The following TRAF3IP3 variants were observed in gnomAD, a reference collection of about 807,000 sequenced individuals.
TRAF3IP3 encodes TRAF3-interacting JNK-activating modulator.
A neutral mutation model predicts 86.5 loss-of-function variants in TRAF3IP3; 64 were observed. That is an observed-to-expected ratio of 0.74 (90% CI 0.60 to 0.91). TRAF3IP3 has a LOEUF of 0.91. TRAF3IP3 is among the 40% of genes least tolerant of loss of function. TRAF3IP3 has a pLI of 0.00. For synonymous variants in TRAF3IP3, 220 were observed against 243.9 expected, an observed-to-expected ratio of 0.90 and a Z score of 0.91; for missense variants, 579 against 642.9, an observed-to-expected ratio of 0.90 and a Z score of 1.07.
At chr1:209,768,118 G>C (rs1293865752) in intron 8 of TRAF3IP3, 8 of 984,804 alleles carry the variant, frequency 8.1e-6, no homozygotes, top group Admixed American at 6.1e-5. Flanking sequence ...TCCAATAAAA[G>C]TATAGCCCCA....
intron 8 of TRAF3IP3, 53 bp downstream of exon 8, chr1:209,763,640 T>C: frequency 2.1e-6 from 3 of 1,427,188 alleles, no homozygotes; most frequent in Admixed American, 1.8e-5. Context: ...TGTGTTCCCA[T>C]CTCATTTTTC....
At chr1:209,779,476 C>G in intron 14 of TRAF3IP3, 102 bp downstream of exon 14, 2 of 996,802 alleles carry the variant, frequency 2.0e-6, no homozygotes, top group Non-Finnish European at 3.2e-6. Flanking sequence ...CCAGCCAGTT[C>G]TGGGAGTCTG....
At chr1:209,770,887 CGT>C (rs2077478067) in intron 8 of TRAF3IP3, among the ~76,000 whole-genome samples, 1 of 95,692 alleles carries the variant, frequency 1.0e-5, no homozygotes, top group African/African-American at 4.2e-5. Context: ...TGGAGGTGTG[CGT>C]GTGCAGGTGA....
rs115762092 is a variant in TRAF3IP3 at position 209,769,438 on chromosome 1, C to G, written c.703-3510C>G. ...TTGTAGATGCCAAATCCCTGACTCT[C>G]TGCTCTCCCTCACATGAGACGTTAG... On this transcript the variant is annotated intron_variant, in intron 8 of 16. Coordinates refer to ENST00000367025, the MANE Select transcript of TRAF3IP3 (RefSeq NM_025228.4). Among the ~76,000 whole-genome samples, 421 of 152,386 alleles carry G rather than the reference C, an allele frequency of 2.8e-3. 3 individuals are homozygous for G. Among genetic ancestry groups the G allele is most frequent in the African/African-American group, 9.5e-3 (394 of 41,596 alleles).
At chr1:209,760,660 T>C (rs1403722532) in intron 3 of TRAF3IP3, among the ~76,000 whole-genome samples, 1 of 152,194 alleles carries the variant, frequency 6.6e-6, no homozygotes, top group Non-Finnish European at 1.5e-5. Flanking sequence ...AGGCTGGGCA[T>C]GTTGGCTTAT....
chr1:209,772,889 C>A, intron 8 of TRAF3IP3, 59 bp from the exon 9 acceptor site: 1 of 1,467,310 alleles, frequency 6.8e-7, no homozygotes, highest in South Asian at 1.1e-5. Context: ...AATATAGAGT[C>A]AAACTCTTTG....
rs139818084 is a variant in TRAF3IP3, at chr1:209,770,548, G to GGT, written c.703-2391_703-2390dup. Among the ~76,000 whole-genome samples the GGT allele has an allele frequency of 2.3e-3, 342 of 148,872 alleles. 2 individuals carry two copies. The highest frequency in any genetic ancestry group is 8.1e-3 in the African/African-American group (326 of 40,460). On this transcript the variant is annotated intron_variant, in intron 8 of 16. Transcript: ENST00000367025. ...GTGGAAGTGTGCGTGTGCAGGTGGA[G>GGT]GTGTGTGTGTCCAGGTAGAATGTGT...
chr1:209,781,133 CTAT>C (rs2077769791), intron 15 of TRAF3IP3: 1 of 350,168 alleles, frequency 2.9e-6, no homozygotes, highest in Non-Finnish European at 5.3e-6. Context: ...AAATGTAATA[CTAT>C]AATATGCATT....
intron 11 of TRAF3IP3, chr1:209,776,612 T>G (rs1416607264): frequency 6.6e-6 from 1 of 150,874 alleles, no homozygotes. Flanking sequence ...TGTGAGGGGT[T>G]TTTTAACTTT....
chr1:209,771,702 GGT>G (rs1571945139), intron 8 of TRAF3IP3, among the ~76,000 whole-genome samples: 5 of 141,566 alleles, frequency 3.5e-5, no homozygotes, highest in African/African-American at 1.1e-4. Context: ...TGCAGGTGGA[GGT>G]GTATGTGTGC....
In TRAF3IP3 at chr1:209,782,230, C is replaced by T; in HGVS notation, c.*82C>T. 9.0e-7 allele frequency: 1 copy of T among 1,106,002 alleles called. No homozygotes were observed. The highest frequency in any genetic ancestry group is 1.4e-6 in the Non-Finnish European group (1 of 722,422). 68.5% of individuals were successfully genotyped at this position (1,106,002 alleles called of 1,614,324 possible). Reference sequence around the variant, plus strand: ...CTCAGAAGGTTTGGGTACATTACAGCTTGGGTTTTCCAACTGACTTAGGAT... The same window carrying T: ...CTCAGAAGGTTTGGGTACATTACAGTTTGGGTTTTCCAACTGACTTAGGAT... On this transcript the variant is annotated 3_prime_UTR_variant, in exon 17 of 17. Coordinates refer to ENST00000367025, the MANE Select transcript of TRAF3IP3 (RefSeq NM_025228.4).
At chr1:209,777,278 T>G (rs1293602287) in intron 11 of TRAF3IP3, 74 bp from the exon 12 acceptor site, 10 of 1,375,868 alleles carry the variant, frequency 7.3e-6, no homozygotes, top group African/African-American at 1.5e-5. Context: ...ATTTTCCTCT[T>G]CCATGGTACC....
chr1:209,777,233 A>T, intron 11 of TRAF3IP3, 119 bp from the exon 12 acceptor site: 1 of 812,962 alleles, frequency 1.2e-6, no homozygotes, highest in Non-Finnish European at 1.9e-6. Context: ...TCTCCCTAAC[A>T]TTCCTTCTAT....
intron 10 of TRAF3IP3, 33 bp downstream of exon 10, chr1:209,775,522 G>A (rs1483602098): frequency 6.2e-7 from 1 of 1,614,196 alleles, no homozygotes; most frequent in South Asian, 1.1e-5. Context: ...TGGGGCTGGG[G>A]ACTCCAGGCA....
intron 1 of TRAF3IP3, among the ~76,000 whole-genome samples, chr1:209,757,584 G>A (rs2077176348): frequency 2.0e-5 from 3 of 152,108 alleles, no homozygotes; most frequent in Non-Finnish European, 2.9e-5. Flanking sequence ...TCAGCCTGGG[G>A]CCAGCATCCC....
chr1:209,771,469 G>A (rs1458381861), intron 8 of TRAF3IP3, among the ~76,000 whole-genome samples: 18 of 147,678 alleles, frequency 1.2e-4, no homozygotes, highest in Non-Finnish European at 6.0e-5. Flanking sequence ...GAAGGTGTGC[G>A]TGTGCATATG....
intron 3 of TRAF3IP3, among the ~76,000 whole-genome samples, chr1:209,762,064 G>A (rs145087421): frequency 1.4e-4 from 11 of 78,966 alleles, no homozygotes; most frequent in South Asian, 3.3e-4. Context: ...CATTGTCTTC[G>A]TCCTGTAATG....
chr1:209,762,445 C>G, intron 3 of TRAF3IP3, 70 bp from the exon 4 acceptor site: 1 of 1,391,564 alleles, frequency 7.2e-7, no homozygotes, highest in Non-Finnish European at 9.4e-7. Context: ...TTCTTCCTTC[C>G]GAAATCATCA....
chr1:209,767,783 G>T (rs1468563001), intron 8 of TRAF3IP3, among the ~76,000 whole-genome samples: 1 of 152,058 alleles, frequency 6.6e-6, no homozygotes. Flanking sequence ...AATATCCCAG[G>T]TAAGACACAA....
Sources: gnomAD v4.1 joint callset for allele counts (sites outside exome capture counted in the v4.1 genomes callset) on GRCh38, gnomAD v4.1.1 for gene constraint, MANE v1.5 for transcripts, NCBI Gene and HGNC (gene_info 2026-07-23, HGNC 2026-07-21) for gene names.